DCP2: variants seen among roughly 807,000 people sequenced by gnomAD.
DCP2 encodes m7GpppN-mRNA hydrolase.
Under a neutral mutation model 56.1 loss-of-function variants are expected in DCP2, and 30 were observed. The ratio of observed to expected loss-of-function variants is 0.53; its 90% CI spans 0.40 to 0.73. The LOEUF is 0.73. Among genes scored for constraint, DCP2 ranks in the 30% least tolerant of loss-of-function variants. The pLI is 0.00. For synonymous variants in DCP2, 197 were observed against 163.3 expected (o/e 1.21, Z -1.57); for missense variants, 533 against 502.7 (o/e 1.06, Z -0.58).
At position 113,014,154 on chromosome 5, in the gene DCP2, T is replaced by C. The variant is rs1352247814; in HGVS notation, c.*670T>C. 1.3e-5 allele frequency: 2 copies of C among 152,330 alleles called. No individual in the cohort carries two copies. Among genetic ancestry groups the C allele is most frequent in the African/African-American group, 4.8e-5 (2 of 41,456 alleles). 9.4% of individuals were successfully genotyped at this position (152,330 alleles called of 1,614,324 possible). ...GGGAGCTGATGCTGTGATTTTGAGC[T>C]GTGGTTACATGCAGTCAGTAAACCT... On this transcript the variant is annotated 3_prime_UTR_variant, in exon 11 of 11. Coordinates refer to ENST00000389063, the MANE Select transcript of DCP2 (RefSeq NM_152624.6).
chr5:112,977,364 C>A (rs1408215565), intron 1 of DCP2, among the ~76,000 whole-genome samples: 2 of 152,174 alleles, frequency 1.3e-5, no homozygotes, highest in Non-Finnish European at 1.5e-5. Flanking sequence ...CCGTGCACCC[C>A]CTCCTCCCTG....
rs1361492629 is a variant in DCP2, at chr5:113,019,774, C to T, written c.*6290C>T. ...CATCCTTGGTAATTATTGACTTATCCTAGATCCATGTACAATTCAGACTTT... is the reference window on the plus strand; with the variant it reads ...CATCCTTGGTAATTATTGACTTATCTTAGATCCATGTACAATTCAGACTTT... On this transcript the variant is annotated 3_prime_UTR_variant, in exon 11 of 11. Coordinates refer to ENST00000389063, the MANE Select transcript of DCP2 (RefSeq NM_152624.6). 6.6e-6 allele frequency: 1 copy of T among 152,070 alleles called. No individual in the cohort carries two copies. The highest frequency in any genetic ancestry group is 1.5e-5 in the Non-Finnish European group (1 of 68,000). The allele number at this position is 152,070 out of a possible 1,614,324, so 9.4% of individuals were successfully genotyped here.
chr5:113,001,001 A>T (rs1749152110), intron 4 of DCP2, 83 bp from the exon 5 acceptor site: 3 of 1,318,270 alleles, frequency 2.3e-6, no homozygotes, highest in South Asian at 1.5e-5. Flanking sequence ...CCTTTTTCTG[A>T]GTTTTTGTCT....
At chr5:112,981,268 C>T (rs1747992010) in intron 1 of DCP2, among the ~76,000 whole-genome samples, 1 of 151,994 alleles carries the variant, frequency 6.6e-6, no homozygotes, top group African/African-American at 2.4e-5. Flanking sequence ...CCTCAACCTC[C>T]CAAAGTGTTG....
chr5:113,013,241 T>C (rs1749751569), intron 10 of DCP2, 80 bp from the exon 11 acceptor site: 3 of 1,438,586 alleles, frequency 2.1e-6, no homozygotes, highest in Non-Finnish European at 2.8e-6. Flanking sequence ...ACTAATTGTT[T>C]TGTAACAAAA....
At chr5:112,992,903 T>G (rs1355146083) in intron 4 of DCP2, 133 bp downstream of exon 4, 1 of 406,156 alleles carries the variant, frequency 2.5e-6, no homozygotes, top group Non-Finnish European at 4.1e-6. Context: ...GTAACTTACT[T>G]TTTTTTTTTT....
chr5:113,012,613 G>T (rs1219325229), intron 10 of DCP2, among the ~76,000 whole-genome samples: 1 of 152,050 alleles, frequency 6.6e-6, no homozygotes, highest in Non-Finnish European at 1.5e-5. Flanking sequence ...CTATGATTTG[G>T]AAAATTTGGA....
rs950775172 is a variant in DCP2 at position 113,016,007 on chromosome 5, C to G, written c.*2523C>G. On this transcript the variant is annotated 3_prime_UTR_variant, in exon 11 of 11. Transcript: ENST00000389063. ...ATGTTTTATGTCTTTGAGAGAGATA[C>G]AGGTCTTGGAATTCACTTTTTAAAT... 3 of 152,604 alleles carry G rather than the reference C, an allele frequency of 2.0e-5. No homozygotes were observed. The highest frequency in any genetic ancestry group is 7.2e-5 in the African/African-American group (3 of 41,442). 9.5% of individuals were successfully genotyped at this position (152,604 alleles called of 1,614,324 possible). A position where few individuals can be genotyped will look rare whatever the true frequency, so the allele number is the denominator to read the frequency against.
Position 113,005,066 on chromosome 5 carries a change from C to T in DCP2, c.942+989C>T, listed in dbSNP as rs571645400. On this transcript the variant is annotated intron_variant, in intron 8 of 10. Transcript: ENST00000389063. ...ATTGCTTGAACTCGGGAAGCAGAGG[C>T]TGCAGTGAGCCAAGATCGCGCCATT... Among the ~76,000 whole-genome samples the T allele has an allele frequency of 2.4e-4, 37 of 151,720 alleles. 1 individual carries two copies. In the South Asian group the frequency reaches 7.7e-3, roughly 32 times the overall value.
intron 1 of DCP2, 146 bp from the exon 2 acceptor site, chr5:112,985,687 TTC>T (rs1169482978): frequency 1.8e-5 from 14 of 760,920 alleles, no homozygotes; most frequent in African/African-American, 3.5e-5. Flanking sequence ...CCTATAGTAT[TTC>T]TCTCAAATAT....
Position 112,991,982 on chromosome 5 carries a change from C to T in DCP2, c.206-139C>T, listed in dbSNP as rs527922218. ...TACAGGTGTGAGCCATGGTGCCTGGCCAAAATGCTACACTTAAATGAGGGA... is the reference window on the plus strand; with the variant it reads ...TACAGGTGTGAGCCATGGTGCCTGGTCAAAATGCTACACTTAAATGAGGGA... On this transcript the variant is annotated intron_variant, in intron 2 of 10. Coordinates refer to ENST00000389063, the MANE Select transcript of DCP2 (RefSeq NM_152624.6). The T allele has an allele frequency of 1.5e-5, 19 of 1,285,840 alleles. No homozygotes were observed. In the South Asian group the frequency reaches 2.7e-4, roughly 18 times the overall value. The allele number at this position is 1,285,840 out of a possible 1,614,324, so 79.7% of individuals were successfully genotyped here.
At chr5:113,002,576 C>T (rs951400754) in intron 7 of DCP2, among the ~76,000 whole-genome samples, 10 of 152,000 alleles carry the variant, frequency 6.6e-5, no homozygotes, top group Admixed American at 2.0e-4. Flanking sequence ...GGCTGGAGTA[C>T]GTGGCATGAT....
At chr5:112,979,544 C>T (rs958735891) in intron 1 of DCP2, among the ~76,000 whole-genome samples, 2 of 151,860 alleles carry the variant, frequency 1.3e-5, no homozygotes, top group African/African-American at 4.8e-5. Context: ...CATTTTTTGC[C>T]CCAATTCTGT....
chr5:113,013,283 G>A lies in DCP2; in HGVS notation c.1100-38G>A, dbSNP rs148286686. 6.3e-6 allele frequency: 10 copies of A among 1,586,510 alleles called. No homozygotes were observed. In the African/African-American group the frequency reaches 9.5e-5, roughly 15 times the overall value. On this transcript the variant is annotated intron_variant, in intron 10 of 10. Coordinates refer to ENST00000389063, the MANE Select transcript of DCP2 (RefSeq NM_152624.6). ...GGGCAGTATTTGATTTCTTACTAAG[G>A]TTACTGAGCTTATTTATTTTGTTTT...
chr5:113,021,451 C>A lies in DCP2; in HGVS notation c.*7967C>A, dbSNP rs896011552. ...GAGAGTCTCTGCAAAAATGAAAATA[C>A]CTCAAACAATTAAGTTTGTTGCTTT... On this transcript the variant is annotated 3_prime_UTR_variant, in exon 11 of 11. Coordinates refer to ENST00000389063, the MANE Select transcript of DCP2 (RefSeq NM_152624.6). Among the ~76,000 whole-genome samples the A allele has an allele frequency of 6.7e-6, 1 of 149,584 alleles. No homozygotes were observed. The highest frequency in any genetic ancestry group is 6.7e-5 in the Admixed American group (1 of 15,030).
At chr5:113,006,429 G>T (rs990691507) in intron 8 of DCP2, among the ~76,000 whole-genome samples, 5 of 152,148 alleles carry the variant, frequency 3.3e-5, no homozygotes, top group African/African-American at 1.2e-4. Context: ...GTGGTAAATT[G>T]TATGTATTTT....
In DCP2 at chr5:113,007,922, C is replaced by T. The variant is rs752012765; in HGVS notation, c.943-16C>T. ...TATGCTATAGATTCATATTATATTT[C>T]TTTTTGGGAAAACAGAATCAAAGTA... On this transcript the variant is annotated splice_polypyrimidine_tract_variant and intron_variant, in intron 8 of 10. Transcript: ENST00000389063. The T allele has an allele frequency of 6.2e-7, 1 of 1,602,950 alleles. No homozygotes were observed. Among genetic ancestry groups the T allele is most frequent in the South Asian group, 1.1e-5 (1 of 90,572 alleles).
chr5:112,994,879 G>C (rs920735625), intron 4 of DCP2, among the ~76,000 whole-genome samples: 2 of 152,294 alleles, frequency 1.3e-5, no homozygotes, highest in South Asian at 4.1e-4. Context: ...TAAGGTGGTA[G>C]TGATTTGATG....
intron 2 of DCP2, among the ~76,000 whole-genome samples, chr5:112,988,001 G>A (rs1748379900): frequency 3.3e-5 from 5 of 152,218 alleles, no homozygotes; most frequent in Middle Eastern, 3.4e-3. Context: ...ACTAGAGTTG[G>A]AGTAGGGATA....
Sources: gnomAD v4.1 joint callset for allele counts (sites outside exome capture counted in the v4.1 genomes callset) on GRCh38, gnomAD v4.1.1 for gene constraint, MANE v1.5 for transcripts, NCBI Gene and HGNC (gene_info 2026-07-23, HGNC 2026-07-21) for gene names.